AAMDC: variants seen among roughly 807,000 people sequenced by gnomAD.
The protein encoded by AAMDC is mth938 domain-containing protein.
In AAMDC, 16 loss-of-function variants were observed where a neutral mutation model predicts 15.5. That is an observed-to-expected ratio of 1.03 (90% CI 0.70 to 1.57). The LOEUF (loss-of-function observed/expected upper bound fraction) is 1.57, where lower values mean the gene tolerates loss of function less well. Ranked by LOEUF, AAMDC falls within the 40% of genes most tolerant of loss-of-function variation. The pLI, the probability that AAMDC is intolerant of heterozygous loss-of-function variation, is 0.00. For missense variants in AAMDC, 141 were observed against 144.9 expected (o/e 0.97, Z 0.14); for synonymous variants, 51 against 51.6 (o/e 0.99, Z 0.05).
intron 5 of AAMDC, chr11:77,879,040 A>T: frequency 6.2e-7 from 1 of 1,614,122 alleles, no homozygotes; most frequent in Non-Finnish European, 8.5e-7. Flanking sequence ...CTGTGGTGAC[A>T]TCTCACCACC....
intron 2 of AAMDC, among the ~76,000 whole-genome samples, chr11:77,852,140 G>A (rs961768301): frequency 4.8e-5 from 7 of 146,970 alleles, no homozygotes; most frequent in South Asian, 4.3e-4. Flanking sequence ...GACGAGGGAC[G>A]AGATGGGAGG....
intron 2 of AAMDC, among the ~76,000 whole-genome samples, chr11:77,863,603 G>T (rs1305982237): frequency 6.6e-6 from 1 of 152,108 alleles, no homozygotes. Context: ...TGGCCAGGAT[G>T]GTCTTGAACT....
intron 5 of AAMDC, among the ~76,000 whole-genome samples, chr11:77,890,557 C>T (rs1287330325): frequency 6.6e-6 from 1 of 151,948 alleles, no homozygotes; most frequent in Non-Finnish European, 1.5e-5. Context: ...TTTTAGGAGA[C>T]AGTCTAGGAG....
downstream of AAMDC, among the ~76,000 whole-genome samples, chr11:77,901,188 G>C (rs948817034): frequency 4.6e-5 from 7 of 152,304 alleles, no homozygotes; most frequent in South Asian, 4.1e-4. Context: ...ATGTAATGGA[G>C]AGTCACCAGA....
intron 3 of AAMDC, among the ~76,000 whole-genome samples, chr11:77,871,013 A>G (rs1264121730): frequency 6.6e-6 from 1 of 152,056 alleles, no homozygotes; most frequent in East Asian, 1.9e-4. Context: ...CTTTATATAT[A>G]TAGGGCACCT....
chr11:77,822,914 G>A (rs920987024), intron 1 of AAMDC, among the ~76,000 whole-genome samples: 15 of 152,030 alleles, frequency 9.9e-5, no homozygotes, highest in African/African-American at 3.4e-4. Context: ...CAATAAAAAA[G>A]CTTTTAAGAA....
At chr11:77,886,248 C>A (rs993402363) in intron 5 of AAMDC, among the ~76,000 whole-genome samples, 5 of 151,976 alleles carry the variant, frequency 3.3e-5, no homozygotes, top group African/African-American at 1.2e-4. Flanking sequence ...GCAAAACTGT[C>A]CTTGGTGAAA....
intron 5 of AAMDC, among the ~76,000 whole-genome samples, chr11:77,900,315 G>A (rs1230009104): frequency 6.6e-6 from 1 of 152,114 alleles, no homozygotes; most frequent in African/African-American, 2.4e-5. Context: ...TAGCCAGGAT[G>A]CTCTTGATCT....
intron 2 of AAMDC, among the ~76,000 whole-genome samples, chr11:77,852,494 G>T (rs1378308605): frequency 1.3e-5 from 2 of 152,030 alleles, no homozygotes; most frequent in East Asian, 3.9e-4. Flanking sequence ...CAGCAAGAGA[G>T]ATATCCACAT....
Position 77,891,247 on chromosome 11 carries a change from AG to A in AAMDC, c.329-9320del, listed in dbSNP as rs1046626664. 5 of 1,443,036 alleles carry A rather than the reference AG, an allele frequency of 3.5e-6. No homozygotes were observed. In the African/African-American group the frequency reaches 7.0e-5, roughly 20 times the overall value. 89.4% of individuals were successfully genotyped at this position (1,443,036 alleles called of 1,614,324 possible). ...TTTCTGTCCCTCAAGTAGAGACTAC[AG>A]GGGTGCTAACATTAAATACTTCAAC... On this transcript the variant is annotated intron_variant, in intron 5 of 5. Transcript: ENST00000304716.
intron 5 of AAMDC, chr11:77,879,258 C>G (rs1029912809): frequency 1.1e-6 from 1 of 908,998 alleles, no homozygotes; most frequent in Non-Finnish European, 1.6e-6. Flanking sequence ...ATTCCCTCCC[C>G]TTACCCTCAC....
At chr11:77,876,669 A>G (rs1951603287), downstream of AAMDC, among the ~76,000 whole-genome samples, 1 of 152,184 alleles carries the variant, frequency 6.6e-6, no homozygotes, top group Non-Finnish European at 1.5e-5. Context: ...TTCTGATACC[A>G]AGCCAAAACC....
chr11:77,881,106 A>AG (rs1459033144), intron 5 of AAMDC, among the ~76,000 whole-genome samples: 1 of 152,304 alleles, frequency 6.6e-6, no homozygotes, highest in East Asian at 1.9e-4. Flanking sequence ...AACAAGAAGG[A>AG]GGGGAACTTG....
chr11:77,888,715 A>G (rs1167095129), intron 5 of AAMDC, among the ~76,000 whole-genome samples: 1 of 152,194 alleles, frequency 6.6e-6, no homozygotes, highest in Non-Finnish European at 1.5e-5. Flanking sequence ...AATGAACTCA[A>G]ACAAATTTAC....
At chr11:77,905,320 G>A (rs1952913312), downstream of AAMDC, among the ~76,000 whole-genome samples, 1 of 152,052 alleles carries the variant, frequency 6.6e-6, no homozygotes, top group Admixed American at 6.6e-5. Flanking sequence ...AGCCAGGCGT[G>A]GTGGTGCACA....
chr11:77,855,862 G>A (rs1222018330), intron 2 of AAMDC, among the ~76,000 whole-genome samples: 1 of 151,948 alleles, frequency 6.6e-6, no homozygotes, highest in Non-Finnish European at 1.5e-5. Flanking sequence ...CACTTTGGGA[G>A]GCCAAGGTTA....
chr11:77,888,278 C>A (rs1481284488), intron 5 of AAMDC, among the ~76,000 whole-genome samples: 2 of 152,210 alleles, frequency 1.3e-5, no homozygotes, highest in Non-Finnish European at 2.9e-5. Context: ...CACATATCTA[C>A]AACCATCTGA....
At chr11:77,843,144 G>C (rs1275219259) in intron 2 of AAMDC, among the ~76,000 whole-genome samples, 1 of 152,180 alleles carries the variant, frequency 6.6e-6, no homozygotes, top group East Asian at 1.9e-4. Context: ...AGGAATATAG[G>C]AAGGTTCCAG....
chr11:77,901,214 G>A, downstream of AAMDC: 1 of 632,028 alleles, frequency 1.6e-6, no homozygotes, highest in East Asian at 2.7e-5. Context: ...TTTAGCAAGG[G>A]AGAGACACAA....
Sources: gnomAD v4.1 joint callset for allele counts (sites outside exome capture counted in the v4.1 genomes callset) on GRCh38, gnomAD v4.1.1 for gene constraint, MANE v1.5 for transcripts, NCBI Gene and HGNC (gene_info 2026-07-23, HGNC 2026-07-21) for gene names.